The following DLG2 variants were observed in gnomAD, a reference collection of about 807,000 sequenced individuals.
DLG2 encodes the protein disks large homolog 2.
DLG2 carries 45 observed loss-of-function variants against 132.5 expected under a neutral mutation model. That is an observed-to-expected ratio of 0.34 (90% CI 0.27 to 0.44). The LOEUF (loss-of-function observed/expected upper bound fraction) is 0.44. Ranked by LOEUF, DLG2 falls within the 20% of genes least tolerant of loss-of-function variation. DLG2 has a pLI of 1.00. For synonymous variants in DLG2, 424 were observed against 419.6 expected (o/e 1.01, Z -0.13); for missense variants, 1,045 against 1,196.9 (o/e 0.87, Z 1.87).
At chr11:83,751,327 A>G (rs2093293659) in intron 18 of DLG2, among the ~76,000 whole-genome samples, 1 of 152,186 alleles carries the variant, frequency 6.6e-6, no homozygotes, top group South Asian at 2.1e-4. Context: ...GAAGTCAGAG[A>G]GTAAATGGGA....
At chr11:84,279,505 A>T (rs1218816541) in intron 7 of DLG2, among the ~76,000 whole-genome samples, 1 of 152,258 alleles carries the variant, frequency 6.6e-6, no homozygotes, top group Admixed American at 6.5e-5. Context: ...GGACAAATGC[A>T]CATGTATGTT....
At chr11:84,582,179 A>G (rs1352960649) in intron 6 of DLG2, among the ~76,000 whole-genome samples, 5 of 151,618 alleles carry the variant, frequency 3.3e-5, no homozygotes, top group Non-Finnish European at 7.4e-5. Context: ...ATACTTGAAA[A>G]CCAGGATAAG....
chr11:84,118,188 A>G (rs576867329), intron 9 of DLG2, among the ~76,000 whole-genome samples: 2 of 152,270 alleles, frequency 1.3e-5, no homozygotes, highest in Admixed American at 1.3e-4. Context: ...TCTAATTAGT[A>G]TATTTAAATC....
At chr11:83,523,846 G>A (rs561989208) in intron 21 of DLG2, among the ~76,000 whole-genome samples, 1 of 152,114 alleles carries the variant, frequency 6.6e-6, no homozygotes, top group African/African-American at 2.4e-5. Context: ...AGGGGGCGGG[G>A]TTTAGAATCA....
intron 3 of DLG2, chr11:85,452,616 G>T: frequency 5.0e-6 from 1 of 201,262 alleles, no homozygotes; most frequent in Admixed American, 4.7e-5. Flanking sequence ...AGGCCATCTT[G>T]GGAGGATGTG....
chr11:85,369,562 T>C (rs529989788), intron 3 of DLG2, among the ~76,000 whole-genome samples: 2 of 152,272 alleles, frequency 1.3e-5, no homozygotes, highest in African/African-American at 4.8e-5. Flanking sequence ...TGAAAAAGGA[T>C]TTGTGGGGCT....
chr11:84,880,399 T>C (rs2087113935), intron 6 of DLG2, among the ~76,000 whole-genome samples: 1 of 152,130 alleles, frequency 6.6e-6, no homozygotes, highest in Non-Finnish European at 1.5e-5. Context: ...CCTTCCTATG[T>C]CAGTCACCAT....
intron 3 of DLG2, among the ~76,000 whole-genome samples, chr11:85,503,541 A>C (rs1015733184): frequency 1.3e-5 from 2 of 152,086 alleles, no homozygotes; most frequent in South Asian, 4.1e-4. Flanking sequence ...GGTTTTTAAA[A>C]GGTGATTGGA....
intron 18 of DLG2, among the ~76,000 whole-genome samples, chr11:83,690,924 T>C (rs1200964717): frequency 3.9e-5 from 6 of 152,252 alleles, no homozygotes; most frequent in Non-Finnish European, 5.9e-5. Context: ...GTATTGTCTA[T>C]GGCTGCTTTT....
chr11:84,926,408 A>G (rs2092978667), intron 6 of DLG2, among the ~76,000 whole-genome samples: 1 of 152,046 alleles, frequency 6.6e-6, no homozygotes, highest in South Asian at 2.1e-4. Flanking sequence ...TATGGAATTT[A>G]TTTCTTTAAA....
intron 12 of DLG2, among the ~76,000 whole-genome samples, chr11:83,967,152 C>G (rs1009383542): frequency 6.6e-6 from 1 of 152,030 alleles, no homozygotes; most frequent in Non-Finnish European, 1.5e-5. Flanking sequence ...GCATGAAGGT[C>G]GTTGCCATAT....
intron 6 of DLG2, among the ~76,000 whole-genome samples, chr11:84,684,457 T>C (rs939370019): frequency 2.0e-5 from 3 of 152,156 alleles, no homozygotes; most frequent in Non-Finnish European, 4.4e-5. Flanking sequence ...CCAGGGCCTG[T>C]TAAACAGTAC....
chr11:83,490,018 A>C (rs760028774), intron 21 of DLG2, among the ~76,000 whole-genome samples: 1 of 152,000 alleles, frequency 6.6e-6, no homozygotes, highest in Non-Finnish European at 1.5e-5. Context: ...AGGAGCTTAG[A>C]TGTAATGAAA....
In DLG2 at chr11:84,592,057, T is replaced by C. The variant is rs565045950; in HGVS notation, c.358-57326A>G. Among the ~76,000 whole-genome samples, 3 of 152,250 alleles carry C rather than the reference T, an allele frequency of 2.0e-5. No homozygotes were observed. In the East Asian group the frequency reaches 5.8e-4, roughly 30 times the overall value. Reference sequence around the variant, plus strand: ...TTTGTAGAGATGGGTTCTTGCCATGTTGCCCAGGCTGGTCTTGAACTCCTG... The same window carrying C: ...TTTGTAGAGATGGGTTCTTGCCATGCTGCCCAGGCTGGTCTTGAACTCCTG... On this transcript the variant is annotated intron_variant, in intron 6 of 27. Transcript: ENST00000376104.
At chr11:84,345,984 A>C (rs1237337950) in intron 7 of DLG2, among the ~76,000 whole-genome samples, 1 of 152,238 alleles carries the variant, frequency 6.6e-6, no homozygotes, top group Non-Finnish European at 1.5e-5. Flanking sequence ...GTTAACAAGC[A>C]GTAAAGAAAA....
intron 19 of DLG2, among the ~76,000 whole-genome samples, chr11:83,571,469 CT>C (rs1315518057): frequency 6.6e-6 from 1 of 151,692 alleles, no homozygotes; most frequent in Non-Finnish European, 1.5e-5. Flanking sequence ...TTCTGAGCCT[CT>C]TTTTCCTCAT....
At chr11:85,131,943 A>C (rs1302402667) in intron 5 of DLG2, among the ~76,000 whole-genome samples, 1 of 152,202 alleles carries the variant, frequency 6.6e-6, no homozygotes. Flanking sequence ...TGGTATGCTT[A>C]CATGCAAAAT....
intron 18 of DLG2, among the ~76,000 whole-genome samples, chr11:83,686,736 C>G (rs888793117): frequency 6.6e-6 from 1 of 152,058 alleles, no homozygotes; most frequent in African/African-American, 2.4e-5. Flanking sequence ...CCTTATTTTT[C>G]TTTCTGATGC....
At chr11:84,920,900 A>G (rs904399332) in intron 6 of DLG2, among the ~76,000 whole-genome samples, 44 of 152,162 alleles carry the variant, frequency 2.9e-4, no homozygotes, top group Non-Finnish European at 5.6e-4. Context: ...GTGCAGAGAA[A>G]AAAAAGACGA....
Sources: allele counts gnomAD v4.1 joint callset (sites outside exome capture counted in the v4.1 genomes callset), GRCh38; gene constraint gnomAD v4.1.1; transcripts MANE v1.5; gene names NCBI Gene and HGNC (gene_info 2026-07-23, HGNC 2026-07-21).